The following RBM27 variants were observed in gnomAD, a reference collection of about 807,000 sequenced individuals.
RBM27 encodes RNA binding motif protein 27.
RBM27 carries 22 observed loss-of-function variants against 135.3 expected under a neutral mutation model. The observed-to-expected ratio is 0.16, with a 90% confidence interval of 0.12 to 0.23. RBM27 has a LOEUF of 0.23. Ranked by LOEUF, RBM27 falls within the 10% of genes least tolerant of loss-of-function variation. RBM27 has a pLI of 1.00. For missense variants in RBM27, 1,009 were observed against 1,281.0 expected (o/e 0.79, Z 3.24); for synonymous variants, 481 against 442.4 (o/e 1.09, Z -1.10).
At chr5:146,278,215 G>A (rs925649098) in intron 19 of RBM27, among the ~76,000 whole-genome samples, 6 of 151,948 alleles carry the variant, frequency 3.9e-5, no homozygotes, top group African/African-American at 1.5e-4. Flanking sequence ...GTTTCTAATC[G>A]GGGAAAATGG....
At chr5:146,251,300 GGTT>G (rs1561548863) in intron 8 of RBM27, among the ~76,000 whole-genome samples, 1 of 152,004 alleles carries the variant, frequency 6.6e-6, no homozygotes, top group East Asian at 1.9e-4. Context: ...GTTGGAGAGG[GGTT>G]GTTTTCTTTT....
chr5:146,280,442 C>T (rs190040139), intron 19 of RBM27, among the ~76,000 whole-genome samples: 11 of 152,254 alleles, frequency 7.2e-5, no homozygotes, highest in Admixed American at 5.2e-4. Flanking sequence ...ACATATAGTT[C>T]AATGATTTAT....
chr5:146,204,366 T>C (rs1217038271), intron 1 of RBM27, among the ~76,000 whole-genome samples: 1 of 152,062 alleles, frequency 6.6e-6, no homozygotes, highest in Admixed American at 6.6e-5. Context: ...ATCAAGAATA[T>C]TGAAGGATTT....
intron 7 of RBM27, among the ~76,000 whole-genome samples, chr5:146,236,301 A>G (rs1000045220): frequency 3.3e-5 from 5 of 152,120 alleles, no homozygotes; most frequent in African/African-American, 1.2e-4. Flanking sequence ...CTCCATTTTT[A>G]CTTTTGATGC....
chr5:146,226,289 T>C (rs1456920632), intron 3 of RBM27, among the ~76,000 whole-genome samples: 1 of 152,204 alleles, frequency 6.6e-6, no homozygotes, highest in East Asian at 1.9e-4. Flanking sequence ...TAACGTGTTT[T>C]TTACAGTCAT....
intron 19 of RBM27, among the ~76,000 whole-genome samples, chr5:146,276,687 T>C (rs1759105060): frequency 6.6e-6 from 1 of 152,240 alleles, no homozygotes; most frequent in Non-Finnish European, 1.5e-5. Context: ...AATTAACCTT[T>C]TCTGTGTATT....
chr5:146,230,247 A>G (rs1328407096), intron 5 of RBM27, among the ~76,000 whole-genome samples: 2 of 152,188 alleles, frequency 1.3e-5, no homozygotes, highest in Admixed American at 6.5e-5. Context: ...TTGGTTTTCT[A>G]AAAGTAATTG....
At chr5:146,204,905 C>G (rs888077424) in intron 1 of RBM27, among the ~76,000 whole-genome samples, 3 of 148,572 alleles carry the variant, frequency 2.0e-5, no homozygotes, top group African/African-American at 4.9e-5. Flanking sequence ...GTTTTATAAC[C>G]TTTTTTTTTT....
At chr5:146,232,239 G>A (rs976540543) in intron 6 of RBM27, among the ~76,000 whole-genome samples, 2 of 152,024 alleles carry the variant, frequency 1.3e-5, no homozygotes, top group Admixed American at 6.6e-5. Flanking sequence ...GAATGCATAC[G>A]TTTTTACATT....
In RBM27 at chr5:146,229,757, T is replaced by C. The variant is rs779761495; in HGVS notation, c.436T>C (p.Tyr146His). Residue 146 changes from tyrosine (Y) to histidine (H), a missense_variant, in exon 5 of 21, where the codon TAT becomes CAT. Tyr to His is a moderately conservative substitution (Grantham distance 83, BLOSUM62 2). Transcript: ENST00000265271. ...AAGAGAAGACGGGAAATGGAGAGACTATGACCGGTACTATGAGCGGAATGA... is the reference window on the plus strand; with the variant it reads ...AAGAGAAGACGGGAAATGGAGAGACCATGACCGGTACTATGAGCGGAATGA... ...KKREDGKWRD[Y>H]DRYYERNELY... The C allele has an allele frequency of 3.1e-6, 5 of 1,612,208 alleles. No individual in the cohort carries two copies. Among genetic ancestry groups the C allele is most frequent in the Non-Finnish European group, 4.2e-6 (5 of 1,178,662 alleles).
intron 8 of RBM27, among the ~76,000 whole-genome samples, chr5:146,239,290 G>T (rs988257077): frequency 1.3e-5 from 2 of 151,878 alleles, no homozygotes. Context: ...CAGCCTACTT[G>T]ACACCATTAT....
In RBM27 at chr5:146,237,371, A is replaced by G. The variant is rs778603117; in HGVS notation, c.1218A>G (p.Ala406=). The change falls in exon 8 of 21, where the codon GCA becomes GCG. Residue 406 remains alanine (A), a synonymous_variant. Coordinates refer to ENST00000265271, the MANE Select transcript of RBM27 (RefSeq NM_018989.2). The part of the protein sequence containing the change: ...QPGTSAVPNL[A]SVGTRLPPPL... ...GGACAAGTGCAGTGCCCAATCTTGC[A>G]TCAGTGGGAACAAGACTACCTCCTC... 5 of 1,613,896 alleles carry G rather than the reference A, an allele frequency of 3.1e-6. No homozygotes were observed. The South Asian group carries it at 3.3e-5, about 11-fold the overall frequency.
chr5:146,237,690 T>C (rs1757230336), intron 8 of RBM27, among the ~76,000 whole-genome samples: 1 of 152,160 alleles, frequency 6.6e-6, no homozygotes, highest in East Asian at 1.9e-4. Flanking sequence ...ATTTAGTCTC[T>C]CCTTTTTATT....
rs570789224 is a variant in RBM27, at chr5:146,232,930, G to A, written c.851-520G>A. 4.6e-5 allele frequency among the ~76,000 whole-genome samples: 7 copies of A among 152,240 alleles called. 1 individual carries two copies. The South Asian group carries it at 1.5e-3, about 32-fold the overall frequency. The stretch of plus-strand genomic sequence containing the variant: ...TTATTCCTTATTGATGTATGTTTGG[G>A]ATGTTTCTATTATTTTTCTACTATG... On this transcript the variant is annotated intron_variant, in intron 6 of 20. Transcript: ENST00000265271.
In RBM27 at chr5:146,229,825, G is replaced by C. The variant is rs780834078; in HGVS notation, c.504G>C (p.Lys168Asn). ...EKYDWRRGRS[K>N]SRSKSRGLSR... The stretch of plus-strand genomic sequence containing the variant: ...ATGACTGGAGAAGAGGCAGGAGTAA[G>C]AGTCGGAGTAAGAGTCGAGGCCTGA... The change falls in exon 5 of 21, where the codon AAG becomes AAC. Residue 168 changes from lysine to asparagine, a missense_variant. Around this residue, in one of 6 missense-constraint regions of RBM27, gnomAD observed 268 missense variants for 326.6 expected, o/e 0.82. Coordinates refer to ENST00000265271, the MANE Select transcript of RBM27 (RefSeq NM_018989.2). 3 of 1,613,958 alleles carry C rather than the reference G, an allele frequency of 1.9e-6. No individual in the cohort carries two copies. Among genetic ancestry groups the C allele is most frequent in the Non-Finnish European group, 1.7e-6 (2 of 1,180,004 alleles).
At chr5:146,281,354 C>G (rs886628488) in intron 19 of RBM27, among the ~76,000 whole-genome samples, 3 of 152,050 alleles carry the variant, frequency 2.0e-5, no homozygotes, top group Admixed American at 2.0e-4. Context: ...GTTAATGAAT[C>G]AGTAACATAT....
chr5:146,277,221 A>C (rs1759128570), intron 19 of RBM27, among the ~76,000 whole-genome samples: 1 of 152,208 alleles, frequency 6.6e-6, no homozygotes, highest in South Asian at 2.1e-4. Flanking sequence ...ACAAATTTGA[A>C]ATCTTACCAA....
intron 8 of RBM27, among the ~76,000 whole-genome samples, chr5:146,239,965 G>A (rs1757333695): frequency 6.6e-6 from 1 of 151,844 alleles, no homozygotes; most frequent in African/African-American, 2.4e-5. Flanking sequence ...TTTTTGTAGA[G>A]ACGGAGTCTC....
intron 6 of RBM27, among the ~76,000 whole-genome samples, chr5:146,232,309 G>A (rs758358758): frequency 5.0e-4 from 76 of 151,986 alleles, no homozygotes; most frequent in Non-Finnish European, 9.4e-4. Context: ...CCTCATTCTC[G>A]CCCTAATCTC....
Sources: allele counts gnomAD v4.1 joint callset (sites outside exome capture counted in the v4.1 genomes callset), GRCh38; gene constraint gnomAD v4.1.1; regional missense constraint gnomAD v4.1.1; transcripts MANE v1.5; gene names NCBI Gene and HGNC (gene_info 2026-07-23, HGNC 2026-07-21).